CNOT10: variants seen among roughly 807,000 people sequenced by gnomAD.
CNOT10 encodes the protein CCR4-NOT transcription complex, subunit 10.
A neutral mutation model predicts 94.6 loss-of-function variants in CNOT10; 30 were observed. The observed-to-expected ratio is 0.32, with a 90% CI of 0.24 to 0.43. CNOT10 has a LOEUF of 0.43. Among genes scored for constraint, CNOT10 ranks in the 20% least tolerant of loss-of-function variants. The pLI is 1.00. For missense variants in CNOT10, 759 were observed against 877.2 expected (o/e 0.87, Z 1.70); for synonymous variants, 289 against 301.6 (o/e 0.96, Z 0.43).
chr3:32,692,252 A>G (rs544874922), intron 1 of CNOT10, among the ~76,000 whole-genome samples: 2 of 152,206 alleles, frequency 1.3e-5, no homozygotes, highest in South Asian at 2.1e-4. Flanking sequence ...AGTCCCAGCT[A>G]TGGCTATATT....
chr3:32,749,405 A>ATTTTTTT (rs61077906), intron 13 of CNOT10, among the ~76,000 whole-genome samples: 1 of 96,264 alleles, frequency 1.0e-5, no homozygotes, highest in African/African-American at 4.2e-5. Flanking sequence ...TGTTGAGTTA[A>ATTTTTTT]TTTTTTTTTT....
chr3:32,740,969 G>A (rs1335507803), intron 13 of CNOT10, among the ~76,000 whole-genome samples: 4 of 151,850 alleles, frequency 2.6e-5, no homozygotes, highest in African/African-American at 7.3e-5. Context: ...GCCTCCCAAA[G>A]CACTGGGATT....
intron 13 of CNOT10, among the ~76,000 whole-genome samples, chr3:32,745,003 C>T (rs1230135883): frequency 6.6e-6 from 1 of 152,142 alleles, no homozygotes; most frequent in Non-Finnish European, 1.5e-5. Context: ...TTCTGCCTTC[C>T]AAGTAGCTGG....
At position 32,762,783 on chromosome 3, in the gene CNOT10, T is replaced by TA; in HGVS notation, c.1761dup (p.Ser588IlefsTer2). On this transcript the variant is annotated frameshift_variant, in exon 15 of 19. Coordinates refer to ENST00000328834, the MANE Select transcript of CNOT10 (RefSeq NM_015442.3). LOFTEE classifies it high-confidence loss of function. ...GAAGCCCTCATCTCTCTCGACAGAA[T>TA]ATCTGATGCCATTACTCACTTGAAC... is the stretch of plus-strand genomic sequence containing the variant. The TA allele has an allele frequency of 6.3e-7, 1 of 1,589,608 alleles. No homozygotes were observed. Among genetic ancestry groups the TA allele is most frequent in the Non-Finnish European group, 8.5e-7 (1 of 1,173,686 alleles).
Position 32,734,796 on chromosome 3 carries a change from T to C in CNOT10, c.1338-4T>C. 1 of 1,579,538 alleles carries C rather than the reference T, an allele frequency of 6.3e-7. No homozygotes were observed. Among genetic ancestry groups the C allele is most frequent in the Non-Finnish European group, 8.6e-7 (1 of 1,160,112 alleles). ...CTTAGCTAATTTGGTTTTGTTCTTTTAAGTGATGGGCAGTCTTCGGCCATT... is the reference window on the plus strand; with the variant it reads ...CTTAGCTAATTTGGTTTTGTTCTTTCAAGTGATGGGCAGTCTTCGGCCATT... On this transcript the variant is annotated splice_polypyrimidine_tract_variant and splice_region_variant and intron_variant, in intron 11 of 18. Coordinates refer to ENST00000328834, the MANE Select transcript of CNOT10 (RefSeq NM_015442.3).
Position 32,762,859 on chromosome 3 carries a change from C to G in CNOT10, c.1836C>G (p.Asp612Glu), listed in dbSNP as rs778062954. Residue 612 changes from aspartate to glutamate, a missense_variant, in exon 15 of 19, where the codon GAC (aspartate) becomes GAG (glutamate). Transcript: ENST00000328834. ...TAGGGATCTCTTCAAATGAGCAGGA[C>G]CAAGGTTAATGAGGACATCTTTGAT... is the stretch of plus-strand genomic sequence containing the variant. Reference protein sequence around the residue: ...VSLGISSNEQDQGSDKGENEA... With the variant: ...VSLGISSNEQEQGSDKGENEA... The G allele has an allele frequency of 1.9e-6, 3 of 1,540,886 alleles. No individual in the cohort carries two copies. The highest frequency in any genetic ancestry group is 1.7e-6 in the Non-Finnish European group (2 of 1,155,774).
intron 8 of CNOT10, among the ~76,000 whole-genome samples, chr3:32,720,497 TTTTTATTTTA>T (rs1214318825): frequency 2.0e-5 from 3 of 151,570 alleles, no homozygotes; most frequent in African/African-American, 7.3e-5. Context: ...ACCTTTTTTA[TTTTTATTTTA>T]TTTTATTTTA....
intron 13 of CNOT10, chr3:32,752,937 A>G (rs981989586): frequency 4.8e-5 from 20 of 420,914 alleles, no homozygotes; most frequent in Middle Eastern, 1.8e-3. Context: ...AGGACCTGCA[A>G]CTTCCCAGAG....
chr3:32,752,658 T>A (rs1019206852), intron 13 of CNOT10, among the ~76,000 whole-genome samples: 1 of 152,204 alleles, frequency 6.6e-6, no homozygotes, highest in Admixed American at 6.6e-5. Flanking sequence ...AAAAACTAAT[T>A]GAACAACTAA....
At chr3:32,695,694 G>A in intron 1 of CNOT10, 1 of 1,536,014 alleles carries the variant, frequency 6.5e-7, no homozygotes, top group South Asian at 1.2e-5. Flanking sequence ...TAGAAGGTCA[G>A]CCATGTTCAT....
chr3:32,708,121 C>T (rs562520797), intron 3 of CNOT10, among the ~76,000 whole-genome samples: 7 of 152,200 alleles, frequency 4.6e-5, no homozygotes, highest in Non-Finnish European at 8.8e-5. Context: ...TGGTCTCAAA[C>T]TCCTGACCTC....
At chr3:32,685,895 T>A (rs1696575057) in intron 1 of CNOT10, among the ~76,000 whole-genome samples, 1 of 152,140 alleles carries the variant, frequency 6.6e-6, no homozygotes, top group African/African-American at 2.4e-5. Context: ...ACATGTGGCT[T>A]CCTCTGGTCA....
At chr3:32,727,547 C>T (rs1041222801) in intron 9 of CNOT10, 121 bp from the exon 10 acceptor site, 2 of 678,276 alleles carry the variant, frequency 2.9e-6, no homozygotes, top group Non-Finnish European at 5.1e-6. Flanking sequence ...GCTATTAAAA[C>T]TCAGATCAGG....
intron 1 of CNOT10, among the ~76,000 whole-genome samples, chr3:32,686,511 C>G (rs770998868): frequency 3.7e-4 from 57 of 152,030 alleles, no homozygotes; most frequent in Non-Finnish European, 7.6e-4. Context: ...AGAAAAACAA[C>G]AGAACAAAGG....
At position 32,750,467 on chromosome 3, in the gene CNOT10, G is replaced by A. The variant is rs569247946; in HGVS notation, c.1596-8991G>A. 3.9e-3 allele frequency among the ~76,000 whole-genome samples: 599 copies of A among 152,140 alleles called. 2 individuals carry two copies. Among genetic ancestry groups the A allele is most frequent in the Non-Finnish European group, 6.6e-3 (449 of 67,996 alleles). Reference sequence around the variant, plus strand: ...AGATCGCACCACTGCACTCCACCCTGAGCGACAGAGCAAGACTCCATCTCA... The same window carrying A: ...AGATCGCACCACTGCACTCCACCCTAAGCGACAGAGCAAGACTCCATCTCA... On this transcript the variant is annotated intron_variant, in intron 13 of 18. Coordinates refer to ENST00000328834, the MANE Select transcript of CNOT10 (RefSeq NM_015442.3).
chr3:32,757,107 A>G (rs1353260800), intron 13 of CNOT10, among the ~76,000 whole-genome samples: 1 of 150,756 alleles, frequency 6.6e-6, no homozygotes, highest in African/African-American at 2.4e-5. Context: ...CTCCGTCTCA[A>G]AAGAAAAAAA....
chr3:32,755,319 C>CTTT (rs777391696), intron 13 of CNOT10, among the ~76,000 whole-genome samples: 1,600 of 131,112 alleles, frequency 0.012, 23 homozygotes, highest in East Asian at 0.028. Context: ...TTTTCTTTTT[C>CTTT]TTTTTTTTTT....
At chr3:32,685,742 A>G (rs944137749) in intron 1 of CNOT10, among the ~76,000 whole-genome samples, 14 of 152,162 alleles carry the variant, frequency 9.2e-5, no homozygotes, top group Non-Finnish European at 1.5e-4. Context: ...ACTCCGGCCC[A>G]AAAAGCTTAA....
At chr3:32,728,184 C>T (rs1298915157) in intron 10 of CNOT10, among the ~76,000 whole-genome samples, 1 of 151,688 alleles carries the variant, frequency 6.6e-6, no homozygotes, top group Non-Finnish European at 1.5e-5. Flanking sequence ...TTAGTAGAGA[C>T]GAGGTTTCAC....
Sources: gnomAD v4.1 joint callset for allele counts (sites outside exome capture counted in the v4.1 genomes callset) on GRCh38, gnomAD v4.1.1 for gene constraint, MANE v1.5 for transcripts, NCBI Gene and HGNC (gene_info 2026-07-23, HGNC 2026-07-21) for gene names.